ZBTB20: variants seen among roughly 807,000 people sequenced by gnomAD.
ZBTB20 encodes the protein zinc finger and BTB domain-containing protein 20.
In ZBTB20, 9 loss-of-function variants were observed where a neutral mutation model predicts 56.9. The observed-to-expected ratio is 0.16, with a 90% CI of 0.10 to 0.28. The LOEUF (loss-of-function observed/expected upper bound fraction) is 0.28, where lower values mean the gene tolerates loss of function less well. Ranked by LOEUF, ZBTB20 falls within the 10% of genes least tolerant of loss-of-function variation. The pLI, the probability that ZBTB20 is intolerant of heterozygous loss-of-function variation, is 1.00. For missense variants in ZBTB20, 655 were observed against 1,003.0 expected (o/e 0.65, Z 4.69); for synonymous variants, 417 against 420.7 (o/e 0.99, Z 0.11).
intron 2 of ZBTB20, among the ~76,000 whole-genome samples, chr3:115,067,930 A>G (rs2082267740): frequency 6.6e-6 from 1 of 152,128 alleles, no homozygotes; most frequent in African/African-American, 2.4e-5. Context: ...GCATTAATCC[A>G]CAACTTAAAA....
intron 5 of ZBTB20, among the ~76,000 whole-genome samples, chr3:114,716,417 C>T (rs924100594): frequency 1.3e-5 from 2 of 152,060 alleles, no homozygotes; most frequent in African/African-American, 4.8e-5. Flanking sequence ...TGACAGTGTG[C>T]GTAGACTCAC....
chr3:114,355,692 C>T (rs2081179091), intron 10 of ZBTB20, among the ~76,000 whole-genome samples: 1 of 152,166 alleles, frequency 6.6e-6, no homozygotes, highest in African/African-American at 2.4e-5. Flanking sequence ...CTGAAATACT[C>T]TACTGTAGAA....
intron 1 of ZBTB20, among the ~76,000 whole-genome samples, chr3:115,128,927 G>A (rs1006778764): frequency 2.6e-5 from 4 of 151,966 alleles, no homozygotes; most frequent in African/African-American, 9.7e-5. Flanking sequence ...GTGAAACCCC[G>A]TCTCTACTAA....
chr3:115,139,226 A>G (rs904650153), intron 1 of ZBTB20, among the ~76,000 whole-genome samples: 5 of 152,060 alleles, frequency 3.3e-5, no homozygotes, highest in African/African-American at 1.2e-4. Flanking sequence ...TCAGGATAGT[A>G]TAGCTTCCTG....
At chr3:114,698,696 C>G (rs2063209374) in intron 5 of ZBTB20, among the ~76,000 whole-genome samples, 1 of 152,144 alleles carries the variant, frequency 6.6e-6, no homozygotes, top group Non-Finnish European at 1.5e-5. Flanking sequence ...TGGGAAAAAT[C>G]ACAGGAGGTT....
chr3:114,990,395 T>A (rs1281721445), intron 2 of ZBTB20, among the ~76,000 whole-genome samples: 1 of 152,202 alleles, frequency 6.6e-6, no homozygotes, highest in African/African-American at 2.4e-5. Flanking sequence ...GTTTATATGC[T>A]GGATTACGTT....
At position 114,380,277 on chromosome 3, in the gene ZBTB20, C is replaced by T. The variant is rs1343852031; in HGVS notation, c.139G>A (p.Ala47Thr). 6.5e-7 allele frequency: 1 copy of T among 1,537,142 alleles called. No individual in the cohort carries two copies. The highest frequency in any genetic ancestry group is 8.7e-7 in the Non-Finnish European group (1 of 1,146,870). ...AGTGAATGTGTTGAGTGGATGAGGGCTGGGTCTGGAGACAAAACAGCTTCA... is the reference window on the plus strand; with the variant it reads ...AGTGAATGTGTTGAGTGGATGAGGGTTGGGTCTGGAGACAAAACAGCTTCA... ...NFEAVLSPDP[A>T]LIHSTHSLTN... Residue 47 changes from alanine to threonine, a missense_variant, in exon 10 of 12, where the codon GCC (alanine) becomes ACC (threonine). Transcript: ENST00000675478.
intron 11 of ZBTB20, among the ~76,000 whole-genome samples, chr3:114,349,043 TAAA>T (rs2080421005): frequency 6.6e-6 from 1 of 151,430 alleles, no homozygotes; most frequent in Non-Finnish European, 1.5e-5. Context: ...CTACAAAAAA[TAAA>T]AAAGTTAAAT....
chr3:114,959,720 T>C lies in ZBTB20; in HGVS notation c.-456+14646A>G, dbSNP rs776439425. Among the ~76,000 whole-genome samples the C allele has an allele frequency of 7.4e-4, 107 of 145,258 alleles. 1 individual carries two copies. Among genetic ancestry groups the C allele is most frequent in the Admixed American group, 1.3e-3 (19 of 14,496 alleles). ...ACACACACATCTATATTTATATACA[T>C]ACACACACACACACACACACACACA... On this transcript the variant is annotated intron_variant, in intron 3 of 11. Coordinates refer to ENST00000675478, the MANE Select transcript of ZBTB20 (RefSeq NM_001348800.3).
chr3:114,664,899 A>G (rs1028080637), intron 6 of ZBTB20, among the ~76,000 whole-genome samples: 2 of 152,106 alleles, frequency 1.3e-5, no homozygotes, highest in African/African-American at 4.8e-5. Context: ...TACTTATTCC[A>G]GGGTCTTGCA....
chr3:115,059,797 T>G (rs1390124355), intron 2 of ZBTB20, among the ~76,000 whole-genome samples: 1 of 152,190 alleles, frequency 6.6e-6, no homozygotes, highest in Non-Finnish European at 1.5e-5. Flanking sequence ...GCATAAAATT[T>G]TTTCTATGCA....
intron 5 of ZBTB20, among the ~76,000 whole-genome samples, chr3:114,781,657 T>A (rs1008470480): frequency 3.9e-5 from 6 of 152,162 alleles, no homozygotes; most frequent in Non-Finnish European, 8.8e-5. Flanking sequence ...CAAGATGACA[T>A]GATTTAGCTG....
intron 11 of ZBTB20, among the ~76,000 whole-genome samples, chr3:114,342,022 G>C (rs1180034377): frequency 6.6e-6 from 1 of 152,196 alleles, no homozygotes; most frequent in East Asian, 1.9e-4. Context: ...CAAAGAACTT[G>C]GGAGCTCCTT....
At position 114,741,134 on chromosome 3, in the gene ZBTB20, T is replaced by A. The variant is rs578078503; in HGVS notation, c.-342-47559A>T. Among the ~76,000 whole-genome samples the A allele has an allele frequency of 5.3e-5, 8 of 152,316 alleles. No individual in the cohort carries two copies. In the East Asian group the frequency reaches 1.3e-3, roughly 26 times the overall value. On this transcript the variant is annotated intron_variant, in intron 5 of 11. Coordinates refer to ENST00000675478, the MANE Select transcript of ZBTB20 (RefSeq NM_001348800.3). ...GTAGGGACTCTGTTTCAACTTTTCC[T>A]GTCAAAACACAGTGAAAAAGCTTAA... is the stretch of plus-strand genomic sequence containing the variant.
At chr3:114,444,330 A>C (rs2091126626) in intron 7 of ZBTB20, among the ~76,000 whole-genome samples, 1 of 152,036 alleles carries the variant, frequency 6.6e-6, no homozygotes, top group Non-Finnish European at 1.5e-5. Flanking sequence ...AGCAGTGTTA[A>C]CTCCAGAGTC....
chr3:114,874,761 G>T (rs1560349091), intron 4 of ZBTB20, among the ~76,000 whole-genome samples: 1 of 152,088 alleles, frequency 6.6e-6, no homozygotes, highest in Non-Finnish European at 1.5e-5. Context: ...TCATGTACAG[G>T]TCTATTAGAT....
At chr3:114,636,946 CTTT>C (rs2059311608) in intron 6 of ZBTB20, among the ~76,000 whole-genome samples, 1 of 137,096 alleles carries the variant, frequency 7.3e-6, no homozygotes, top group South Asian at 2.4e-4. Context: ...CAACAACACA[CTTT>C]AGCTTTAGGG....
At chr3:114,758,254 T>C (rs2068158908) in intron 5 of ZBTB20, among the ~76,000 whole-genome samples, 1 of 152,142 alleles carries the variant, frequency 6.6e-6, no homozygotes, top group South Asian at 2.1e-4. Flanking sequence ...CACACTCATA[T>C]TTCTATGTAT....
Position 114,539,232 on chromosome 3 carries a change from T to A in ZBTB20, c.-294-38841A>T, listed in dbSNP as rs942667732. 4.6e-5 allele frequency among the ~76,000 whole-genome samples: 7 copies of A among 152,128 alleles called. No homozygotes were observed. In the South Asian group the frequency reaches 8.3e-4, roughly 18 times the overall value. ...TGGTGGCCAGAACATATCAATTGCA[T>A]GTAACAAAATTTTATTCAGATGCAT... On this transcript the variant is annotated intron_variant, in intron 6 of 11. Coordinates refer to ENST00000675478, the MANE Select transcript of ZBTB20 (RefSeq NM_001348800.3).
Sources: allele counts gnomAD v4.1 joint callset (sites outside exome capture counted in the v4.1 genomes callset), GRCh38; gene constraint gnomAD v4.1.1; transcripts MANE v1.5; gene names NCBI Gene and HGNC (gene_info 2026-07-23, HGNC 2026-07-21).